GABRB1: variants seen among roughly 807,000 people sequenced by gnomAD.
The protein encoded by GABRB1 is gamma-aminobutyric acid receptor subunit beta-1.
GABRB1 carries 17 observed loss-of-function variants against 51.6 expected under a neutral mutation model. The observed-to-expected ratio is 0.33, with a 90% CI of 0.23 to 0.49. The LOEUF (loss-of-function observed/expected upper bound fraction) is 0.49, where lower values mean the gene tolerates loss of function less well. GABRB1 is among the 20% of genes least tolerant of loss of function. GABRB1 has a pLI of 0.99. For missense variants in GABRB1, 410 were observed against 600.6 expected, an observed-to-expected ratio of 0.68 and a Z score of 3.32; for synonymous variants, 247 against 218.9, an observed-to-expected ratio of 1.13 and a Z score of -1.14.
At chr4:47,179,082 A>T (rs1339199385) in intron 4 of GABRB1, among the ~76,000 whole-genome samples, 1 of 152,102 alleles carries the variant, frequency 6.6e-6, no homozygotes, top group Admixed American at 6.6e-5. Context: ...CATCATCTGT[A>T]TTAGGTATTT....
chr4:47,295,092 A>C (rs1305558664), intron 4 of GABRB1, among the ~76,000 whole-genome samples: 1 of 152,222 alleles, frequency 6.6e-6, no homozygotes, highest in Non-Finnish European at 1.5e-5. Flanking sequence ...GACATACACA[A>C]CAAAAACCCA....
rs1319851996 is a variant in GABRB1, at chr4:47,119,711, G to A, written c.241-41538G>A. ...TTTAGCAGAGACAAGGTTTCTCCAT[G>A]TTGGTCAGGCTGGTCTTGAACTCCC... On this transcript the variant is annotated intron_variant, in intron 3 of 8. Transcript: ENST00000295454. 2.0e-5 allele frequency among the ~76,000 whole-genome samples: 3 copies of A among 152,006 alleles called. No individual in the cohort carries two copies. The East Asian group carries it at 5.8e-4, about 29-fold the overall frequency.
At chr4:47,403,493 TG>T in intron 6 of GABRB1, 38 bp downstream of exon 6, 1 of 1,613,492 alleles carries the variant, frequency 6.2e-7, no homozygotes. Flanking sequence ...AGGGGTGCTG[TG>T]AAAGGAAGAA....
At chr4:46,993,753 T>A (rs982878579) in exon 1 of GABRB1, 1 of 248,388 alleles carries the variant, frequency 4.0e-6, no homozygotes, top group Non-Finnish European at 7.9e-6. Context: ...TCGGCAAGTT[T>A]GTTCCGACTG....
intron 8 of GABRB1, among the ~76,000 whole-genome samples, chr4:47,407,328 TA>T (rs1332903507): frequency 6.6e-6 from 1 of 152,218 alleles, no homozygotes; most frequent in Non-Finnish European, 1.5e-5. Flanking sequence ...TTTAGTCACC[TA>T]ATGGCTTTAC....
chr4:47,013,041 G>C (rs1382866818), intron 1 of GABRB1, among the ~76,000 whole-genome samples: 1 of 151,920 alleles, frequency 6.6e-6, no homozygotes, highest in Non-Finnish European at 1.5e-5. Flanking sequence ...CCTGTTGATG[G>C]GCATATACCT....
chr4:47,237,809 T>C (rs1721383532), intron 4 of GABRB1, among the ~76,000 whole-genome samples: 3 of 152,016 alleles, frequency 2.0e-5, no homozygotes, highest in Admixed American at 2.0e-4. Flanking sequence ...AATAGAACTC[T>C]ACTTGGTGTT....
At chr4:47,143,229 T>C (rs1042329880) in intron 3 of GABRB1, among the ~76,000 whole-genome samples, 1 of 151,828 alleles carries the variant, frequency 6.6e-6, no homozygotes, top group Non-Finnish European at 1.5e-5. Flanking sequence ...GAGGGTATCA[T>C]CAAAAAGAAT....
At chr4:47,181,441 A>G (rs1464897592) in intron 4 of GABRB1, among the ~76,000 whole-genome samples, 1 of 152,034 alleles carries the variant, frequency 6.6e-6, no homozygotes, top group Non-Finnish European at 1.5e-5. Flanking sequence ...AATGTTAATT[A>G]TATGTAAACC....
intron 3 of GABRB1, among the ~76,000 whole-genome samples, chr4:47,068,521 G>A (rs974637402): frequency 1.3e-5 from 2 of 152,140 alleles, no homozygotes; most frequent in Non-Finnish European, 2.9e-5. Context: ...AGTCATTGTA[G>A]GGTTATTAAC....
intron 1 of GABRB1, among the ~76,000 whole-genome samples, chr4:47,006,527 C>T (rs1211404863): frequency 1.3e-5 from 2 of 152,106 alleles, no homozygotes; most frequent in African/African-American, 4.8e-5. Flanking sequence ...AATTGCTTCA[C>T]TTGCATTTTA....
At position 47,377,156 on chromosome 4, in the gene GABRB1, G is replaced by T. The variant is rs1255330008; in HGVS notation, c.545-26162G>T. ...TTGGAGTTGTGCGTTTTTTTGTTTT[G>T]TTTTGAGACGGAGTTTTGCTCTTGT... is the stretch of plus-strand genomic sequence containing the variant. On this transcript the variant is annotated intron_variant, in intron 5 of 8. Coordinates refer to ENST00000295454, the MANE Select transcript of GABRB1 (RefSeq NM_000812.4). Among the ~76,000 whole-genome samples, 4 of 152,132 alleles carry T rather than the reference G, an allele frequency of 2.6e-5. No individual in the cohort carries two copies. In the East Asian group the frequency reaches 5.8e-4, roughly 22 times the overall value.
intron 1 of GABRB1, among the ~76,000 whole-genome samples, chr4:46,997,221 A>C (rs543963475): frequency 6.6e-6 from 1 of 152,068 alleles, no homozygotes; most frequent in African/African-American, 2.4e-5. Flanking sequence ...GTATACAACA[A>C]GATGTTTTGA....
chr4:47,265,999 G>T (rs939790060), intron 4 of GABRB1, among the ~76,000 whole-genome samples: 2 of 152,052 alleles, frequency 1.3e-5, no homozygotes, highest in African/African-American at 4.8e-5. Context: ...TGAGGTCTTA[G>T]TTATGAATTC....
intron 5 of GABRB1, among the ~76,000 whole-genome samples, chr4:47,340,440 G>A (rs1163187300): frequency 6.6e-6 from 1 of 152,050 alleles, no homozygotes; most frequent in African/African-American, 2.4e-5. Context: ...ATACCTTCGA[G>A]GGGGTAGGTT....
At chr4:47,377,941 T>C (rs1560359268) in intron 5 of GABRB1, among the ~76,000 whole-genome samples, 1 of 152,230 alleles carries the variant, frequency 6.6e-6, no homozygotes, top group East Asian at 1.9e-4. Context: ...ATAAAGGTTC[T>C]CCACGTCCCC....
intron 4 of GABRB1, among the ~76,000 whole-genome samples, chr4:47,304,870 A>T (rs995634228): frequency 6.6e-6 from 1 of 152,116 alleles, no homozygotes; most frequent in African/African-American, 2.4e-5. Flanking sequence ...ATGATGTTTT[A>T]ATGGTTAAAA....
intron 1 of GABRB1, among the ~76,000 whole-genome samples, chr4:47,001,364 A>T (rs35128586): frequency 2.5e-4 from 38 of 151,934 alleles, no homozygotes; most frequent in African/African-American, 3.9e-4. Context: ...GGATGGTCTG[A>T]ATCTCCTGAC....
At chr4:47,275,492 T>A (rs1439226198) in intron 4 of GABRB1, among the ~76,000 whole-genome samples, 1 of 152,148 alleles carries the variant, frequency 6.6e-6, no homozygotes, top group Non-Finnish European at 1.5e-5. Context: ...ATGATAAGGA[T>A]GGTTCTGTGT....
Sources: gnomAD v4.1 joint callset for allele counts (sites outside exome capture counted in the v4.1 genomes callset) on GRCh38, gnomAD v4.1.1 for gene constraint, MANE v1.5 for transcripts, NCBI Gene and HGNC (gene_info 2026-07-23, HGNC 2026-07-21) for gene names.